The following ADAM23 variants were observed in gnomAD, a reference collection of about 807,000 sequenced individuals.
The protein encoded by ADAM23 is disintegrin and metalloproteinase domain-containing protein 23.
In ADAM23, 33 loss-of-function variants were observed where a neutral mutation model predicts 120.1. That is an observed-to-expected ratio of 0.27 (90% confidence interval 0.21 to 0.37). ADAM23 has a LOEUF of 0.37. Among genes scored for constraint, ADAM23 ranks in the 10% least tolerant of loss-of-function variants. ADAM23 has a pLI of 1.00. For missense variants in ADAM23, 862 were observed against 1,058.2 expected, an observed-to-expected ratio of 0.81 and a Z score of 2.57; for synonymous variants, 367 against 375.2, an observed-to-expected ratio of 0.98 and a Z score of 0.25.
chr2:206,548,819 A>G (rs971161745), intron 8 of ADAM23, among the ~76,000 whole-genome samples: 7 of 152,162 alleles, frequency 4.6e-5, no homozygotes, highest in African/African-American at 1.7e-4. Flanking sequence ...GTTACACCAA[A>G]CTTTAAAGCT....
intron 21 of ADAM23, among the ~76,000 whole-genome samples, chr2:206,590,136 C>T (rs552308728): frequency 1.3e-5 from 2 of 151,818 alleles, no homozygotes; most frequent in South Asian, 4.2e-4. Flanking sequence ...CTCGCTTTAT[C>T]ACCCAGGCTG....
intron 9 of ADAM23, among the ~76,000 whole-genome samples, chr2:206,552,440 AT>A (rs761825263): frequency 3.3e-5 from 5 of 152,252 alleles, no homozygotes; most frequent in African/African-American, 4.8e-5. Flanking sequence ...AAAACAGCAT[AT>A]TTTTTGAATT....
intron 3 of ADAM23, among the ~76,000 whole-genome samples, chr2:206,500,542 T>C (rs1338986088): frequency 6.6e-6 from 1 of 152,204 alleles, no homozygotes; most frequent in Non-Finnish European, 1.5e-5. Context: ...TTTTTCTTAG[T>C]ATAATTTGAC....
chr2:206,481,645 A>G (rs1695899401), intron 3 of ADAM23, among the ~76,000 whole-genome samples: 1 of 152,214 alleles, frequency 6.6e-6, no homozygotes, highest in Non-Finnish European at 1.5e-5. Flanking sequence ...ATTTGACTAC[A>G]GTCTAGAAAT....
At chr2:206,451,115 G>C (rs2105850063) in intron 2 of ADAM23, among the ~76,000 whole-genome samples, 1 of 152,358 alleles carries the variant, frequency 6.6e-6, no homozygotes, top group South Asian at 2.1e-4. Context: ...TAGGAGTTAA[G>C]TTTGTGCAGA....
chr2:206,491,466 A>G (rs1468318994), intron 3 of ADAM23, among the ~76,000 whole-genome samples: 1 of 152,196 alleles, frequency 6.6e-6, no homozygotes, highest in African/African-American at 2.4e-5. Flanking sequence ...TCAGGAGACT[A>G]TTTCTTGACT....
chr2:206,467,787 C>G (rs927531878), intron 2 of ADAM23, among the ~76,000 whole-genome samples: 1 of 152,208 alleles, frequency 6.6e-6, no homozygotes, highest in African/African-American at 2.4e-5. Context: ...GGGCTCCGCC[C>G]CTGAAGCAGG....
At chr2:206,547,833 A>G (rs1310745424) in intron 7 of ADAM23, among the ~76,000 whole-genome samples, 2 of 152,184 alleles carry the variant, frequency 1.3e-5, no homozygotes, top group Admixed American at 1.3e-4. Flanking sequence ...CCTCCCTCTC[A>G]TGCTCTGCTC....
intron 3 of ADAM23, among the ~76,000 whole-genome samples, chr2:206,502,944 A>T (rs1203054015): frequency 2.0e-5 from 3 of 152,154 alleles, no homozygotes; most frequent in Non-Finnish European, 4.4e-5. Context: ...AGCTATGTAG[A>T]TTCCCCGTGG....
chr2:206,619,397 T>C lies in ADAM23; in HGVS notation c.*1770T>C, dbSNP rs1348316397. The C allele has an allele frequency of 6.6e-6, 1 of 152,188 alleles. No homozygotes were observed. Among genetic ancestry groups the C allele is most frequent in the African/African-American group, 2.4e-5 (1 of 41,434 alleles). 9.4% of individuals were successfully genotyped at this position (152,188 alleles called of 1,614,324 possible). A position where few individuals can be genotyped will look rare whatever the true frequency, so the allele number is the denominator to read the frequency against. ...TGTTAAGTAAATAAGCTGAAGAAAT[T>C]TGGTCCCGGCTTTGTTTTAATGTAC... On this transcript the variant is annotated 3_prime_UTR_variant, in exon 26 of 26. Transcript: ENST00000264377.
chr2:206,477,280 A>T (rs1179754397), intron 2 of ADAM23, among the ~76,000 whole-genome samples: 1 of 152,230 alleles, frequency 6.6e-6, no homozygotes, highest in African/African-American at 2.4e-5. Flanking sequence ...CATTGCTAAG[A>T]CGTGTAAACT....
intron 3 of ADAM23, among the ~76,000 whole-genome samples, chr2:206,521,034 T>A (rs116512350): frequency 0.011 from 1,641 of 152,216 alleles, 21 homozygotes; most frequent in Non-Finnish European, 0.016. Context: ...TATTTCCCTG[T>A]CCAAATTGTA....
chr2:206,531,292 A>G (rs1367824018), intron 4 of ADAM23, among the ~76,000 whole-genome samples: 1 of 152,152 alleles, frequency 6.6e-6, no homozygotes, highest in African/African-American at 2.4e-5. Flanking sequence ...GGGCTGTTAG[A>G]ACGGTTCTTT....
At chr2:206,523,706 GA>G (rs2105792161) in intron 3 of ADAM23, among the ~76,000 whole-genome samples, 1 of 151,934 alleles carries the variant, frequency 6.6e-6, no homozygotes, top group East Asian at 1.9e-4. Context: ...AAAAAGAAAA[GA>G]AATATAAGAG....
intron 4 of ADAM23, among the ~76,000 whole-genome samples, chr2:206,534,481 C>T (rs1697132422): frequency 6.9e-6 from 1 of 144,764 alleles, no homozygotes; most frequent in African/African-American, 2.5e-5. Flanking sequence ...ACATAGTTAT[C>T]TTTTTTTTTT....
At chr2:206,528,251 TG>T (rs1696980994) in intron 3 of ADAM23, among the ~76,000 whole-genome samples, 1 of 152,338 alleles carries the variant, frequency 6.6e-6, no homozygotes, top group Non-Finnish European at 1.5e-5. Context: ...GCTTCATCTA[TG>T]TATATCATAG....
chr2:206,467,335 A>G (rs1338255613), intron 2 of ADAM23, among the ~76,000 whole-genome samples: 1 of 152,350 alleles, frequency 6.6e-6, no homozygotes, highest in African/African-American at 2.4e-5. Context: ...TTACTTCCAA[A>G]TTACAATAGA....
intron 10 of ADAM23, among the ~76,000 whole-genome samples, chr2:206,559,069 C>T (rs1221038083): frequency 6.6e-5 from 10 of 152,100 alleles, no homozygotes; most frequent in Admixed American, 4.6e-4. Flanking sequence ...CTCAGCCTCC[C>T]GAGTAGCTGG....
At position 206,594,712 on chromosome 2, in the gene ADAM23, T is replaced by TA. The variant is rs750410241; in HGVS notation, c.2079-24dup. 3 of 1,613,542 alleles carry TA rather than the reference T, an allele frequency of 1.9e-6. No homozygotes were observed. The African/African-American group carries it at 4.0e-5, about 22-fold the overall frequency. On this transcript the variant is annotated intron_variant, in intron 22 of 25. Coordinates refer to ENST00000264377, the MANE Select transcript of ADAM23 (RefSeq NM_003812.4). ...ATGTTCTAAGTGTGGTGCAAATAGT[T>TA]ATATGGGTATCTTTCTTGTTTTAGT...
Sources: allele counts gnomAD v4.1 joint callset (sites outside exome capture counted in the v4.1 genomes callset), GRCh38; gene constraint gnomAD v4.1.1; transcripts MANE v1.5; gene names NCBI Gene and HGNC (gene_info 2026-07-23, HGNC 2026-07-21).